Variants in OR56A3 observed in about 807,000 individuals in gnomAD.
OR56A3 encodes olfactory receptor family 56 subfamily A member 3.
OR56A3 carries 23 observed loss-of-function variants against 17.5 expected under a neutral mutation model. The ratio of observed to expected loss-of-function variants is 1.32; its 90% CI spans 0.95 to 1.87. The LOEUF is 1.87. OR56A3 is among the 40% of genes most tolerant of loss of function. OR56A3 has a pLI of 0.00. For synonymous variants in OR56A3, 175 were observed against 150.6 expected (o/e 1.16, Z -1.19); for missense variants, 366 against 380.1 (o/e 0.96, Z 0.31).
At chr11:5,973,730 T>G in the OR56A3 span, among the ~76,000 whole-genome samples, 1 of 152,234 alleles carries the variant, frequency 6.6e-6, no homozygotes, top group Non-Finnish European at 1.5e-5. Context: ...TTGACCTATT[T>G]TGTGGTTGAG....
chr11:6,002,407 T>C, the OR56A3 span: 2 of 1,614,216 alleles, frequency 1.2e-6, no homozygotes, highest in Non-Finnish European at 1.7e-6. Context: ...TGATTGAAAG[T>C]GATGTCATCA....
chr11:5,985,923 A>G, the OR56A3 span: 2 of 1,579,614 alleles, frequency 1.3e-6, no homozygotes, highest in South Asian at 1.2e-5. Flanking sequence ...CGAAGGAAAC[A>G]ATGAGAATAT....
At chr11:6,003,012 C>G in the OR56A3 span, 2 of 1,614,104 alleles carry the variant, frequency 1.2e-6, no homozygotes, top group Non-Finnish European at 1.7e-6. Context: ...CCTGATCAAT[C>G]TGGAGACCCA....
the OR56A3 span, among the ~76,000 whole-genome samples, chr11:6,015,539 A>G: frequency 9.7e-3 from 1,485 of 152,342 alleles, 17 homozygotes; most frequent in African/African-American, 0.034. Flanking sequence ...TGGAAAAGCC[A>G]TAGGAACTCA....
At chr11:6,016,884 A>T in the OR56A3 span, 1 of 152,048 alleles carries the variant, frequency 6.6e-6, no homozygotes, top group East Asian at 1.9e-4. Flanking sequence ...AATAAAAAAC[A>T]CAATAGAGTT....
chr11:5,997,691 A>G, the OR56A3 span, among the ~76,000 whole-genome samples: 1 of 152,174 alleles, frequency 6.6e-6, no homozygotes, highest in African/African-American at 2.4e-5. Context: ...TGAAAAACAA[A>G]TATTTCTAGA....
the OR56A3 span, chr11:5,968,426 G>C: frequency 6.3e-7 from 1 of 1,598,892 alleles, no homozygotes; most frequent in Non-Finnish European, 8.5e-7. Context: ...GCCAGCTCTG[G>C]AAACTGGGGA....
At chr11:5,953,425 C>T (rs1055533397), downstream of OR56A3, among the ~76,000 whole-genome samples, 4 of 152,068 alleles carry the variant, frequency 2.6e-5, no homozygotes, top group Admixed American at 6.6e-5. Flanking sequence ...TTTTTTCATA[C>T]TTTGCTGGAC....
the OR56A3 span, chr11:5,993,975 C>G: frequency 2.2e-6 from 1 of 445,196 alleles, no homozygotes; most frequent in Non-Finnish European, 4.5e-6. Context: ...GAGTTGGGGG[C>G]TGTCCAAGGC....
chr11:6,011,227 CAT>C, the OR56A3 span, among the ~76,000 whole-genome samples: 1 of 98,912 alleles, frequency 1.0e-5, no homozygotes, highest in African/African-American at 3.1e-5. Flanking sequence ...TATATACACA[CAT>C]ATATTTTATT....
chr11:6,019,743 C>T, the OR56A3 span: 1 of 152,118 alleles, frequency 6.6e-6, no homozygotes, highest in Non-Finnish European at 1.5e-5. Flanking sequence ...AACTAAGATA[C>T]TAAACCTGAC....
the OR56A3 span, among the ~76,000 whole-genome samples, chr11:5,969,943 C>T: frequency 1.3e-5 from 2 of 151,870 alleles, no homozygotes; most frequent in East Asian, 1.9e-4. Context: ...AGACTAGTTG[C>T]GTAGAAGAAG....
chr11:5,999,840 A>G, the OR56A3 span: 1 of 152,276 alleles, frequency 6.6e-6, no homozygotes, highest in African/African-American at 2.4e-5. Flanking sequence ...AGCTTATGAC[A>G]GTGTCAGAGA....
At chr11:6,007,011 C>T in the OR56A3 span, 1 of 152,280 alleles carries the variant, frequency 6.6e-6, no homozygotes, top group African/African-American at 2.4e-5. Flanking sequence ...CTAGTCCCTT[C>T]CCTCCACACT....
the OR56A3 span, among the ~76,000 whole-genome samples, chr11:6,008,087 A>T: frequency 6.6e-6 from 1 of 152,190 alleles, no homozygotes; most frequent in Non-Finnish European, 1.5e-5. Flanking sequence ...AACAGTCACC[A>T]CTCATGCACA....
the OR56A3 span, chr11:5,986,584 A>G: frequency 6.2e-7 from 1 of 1,614,018 alleles, no homozygotes; most frequent in Non-Finnish European, 8.5e-7. Context: ...CATCTGGATC[A>G]GGCAGACGAT....
the OR56A3 span, among the ~76,000 whole-genome samples, chr11:5,997,760 T>C: frequency 6.6e-6 from 1 of 152,220 alleles, no homozygotes; most frequent in African/African-American, 2.4e-5. Context: ...AAATTATGTT[T>C]AAATGAGAAT....
downstream of OR56A3, among the ~76,000 whole-genome samples, chr11:5,953,355 A>T (rs1333197245): frequency 6.6e-6 from 1 of 152,166 alleles, no homozygotes; most frequent in Non-Finnish European, 1.5e-5. Flanking sequence ...GACTGATGTG[A>T]GATGCTATCT....
At chr11:5,967,327 A>G in the OR56A3 span, 1 of 505,518 alleles carries the variant, frequency 2.0e-6, no homozygotes. Flanking sequence ...GATGAAGTCA[A>G]GAAAAACTTC....
Sources: allele counts gnomAD v4.1 joint callset (sites outside exome capture counted in the v4.1 genomes callset), GRCh38; gene constraint gnomAD v4.1.1; transcripts MANE v1.5; gene names NCBI Gene and HGNC (gene_info 2026-07-23, HGNC 2026-07-21).